NALCN: variants seen among roughly 807,000 people sequenced by gnomAD.
NALCN encodes the protein sodium leak channel, non-selective.
Under a neutral mutation model 225.3 loss-of-function variants are expected in NALCN, and 111 were observed. The observed-to-expected ratio is 0.49, with a 90% CI of 0.42 to 0.58. The LOEUF (loss-of-function observed/expected upper bound fraction) is 0.58. Ranked by LOEUF, NALCN falls within the 20% of genes least tolerant of loss-of-function variation. The pLI is 0.00. For synonymous variants in NALCN, 764 were observed against 769.0 expected, an observed-to-expected ratio of 0.99 and a Z score of 0.11; for missense variants, 1,378 against 2,202.4, an observed-to-expected ratio of 0.63 and a Z score of 7.49.
At chr13:101,065,710 G>A in intron 39 of NALCN, 149 bp from the exon 40 acceptor site, 2 of 934,506 alleles carry the variant, frequency 2.1e-6, no homozygotes, top group Non-Finnish European at 3.1e-6. Context: ...CTTGGAGCCT[G>A]GTAGAATTAA....
intron 27 of NALCN, among the ~76,000 whole-genome samples, chr13:101,099,649 A>C (rs1461938501): frequency 6.6e-6 from 1 of 152,222 alleles, no homozygotes; most frequent in Non-Finnish European, 1.5e-5. Context: ...AAATTGTCTA[A>C]TTATTAACCA....
intron 13 of NALCN, among the ~76,000 whole-genome samples, chr13:101,225,966 A>G (rs1443104537): frequency 6.6e-6 from 1 of 152,096 alleles, no homozygotes; most frequent in Non-Finnish European, 1.5e-5. Context: ...TACTCCCACA[A>G]TCAACCCAAG....
intron 7 of NALCN, among the ~76,000 whole-genome samples, chr13:101,299,806 C>A (rs920412520): frequency 6.6e-6 from 1 of 152,066 alleles, no homozygotes; most frequent in African/African-American, 2.4e-5. Flanking sequence ...CTCAGATATA[C>A]CATCTGTTAT....
intron 13 of NALCN, among the ~76,000 whole-genome samples, chr13:101,223,250 T>C (rs9518342): frequency 0.27 from 41,107 of 152,068 alleles, 6,581 homozygotes; most frequent in Non-Finnish European, 0.37. Flanking sequence ...CCATCAATGC[T>C]CTATTTGCCA....
intron 10 of NALCN, among the ~76,000 whole-genome samples, chr13:101,268,009 A>T (rs550757611): frequency 3.5e-4 from 53 of 152,288 alleles, no homozygotes; most frequent in African/African-American, 1.2e-3. Flanking sequence ...GTGATGCATC[A>T]CTTTGGATGT....
chr13:101,189,525 T>A (rs1482795470), intron 14 of NALCN, among the ~76,000 whole-genome samples: 1 of 152,236 alleles, frequency 6.6e-6, no homozygotes, highest in Non-Finnish European at 1.5e-5. Flanking sequence ...TGAATTATTA[T>A]CCTCACTTTC....
chr13:101,232,709 G>A (rs537147170), intron 12 of NALCN, among the ~76,000 whole-genome samples: 5 of 152,170 alleles, frequency 3.3e-5, no homozygotes, highest in African/African-American at 9.6e-5. Context: ...GCCTCCCAAA[G>A]TGCTGGGATT....
chr13:101,185,638 T>C (rs1343025348), intron 14 of NALCN, among the ~76,000 whole-genome samples: 2 of 152,244 alleles, frequency 1.3e-5, no homozygotes, highest in African/African-American at 2.4e-5. Context: ...GGACAATACA[T>C]GGAGGTTATG....
rs141973425 is a variant in NALCN at position 101,276,228 on chromosome 13, G to A, written c.1134+7705C>T. ...GGGGTTCTAGGACATTCGCTTACTC[G>A]TTTTAACGTGAGGATAAATTTATTA... On this transcript the variant is annotated intron_variant, in intron 10 of 43. Transcript: ENST00000251127. Among the ~76,000 whole-genome samples the A allele has an allele frequency of 5.9e-3, 898 of 152,142 alleles. 13 individuals carry two copies. Among genetic ancestry groups the A allele is most frequent in the African/African-American group, 0.02 (847 of 41,510 alleles).
intron 12 of NALCN, among the ~76,000 whole-genome samples, chr13:101,233,339 ATT>A (rs35072635): frequency 1.2e-4 from 17 of 139,832 alleles, no homozygotes; most frequent in Admixed American, 2.2e-4. Flanking sequence ...CTTGGGAAGA[ATT>A]TTTTTTTTTT....
intron 17 of NALCN, among the ~76,000 whole-genome samples, chr13:101,133,976 T>C (rs2036639465): frequency 6.6e-6 from 1 of 152,116 alleles, no homozygotes; most frequent in Non-Finnish European, 1.5e-5. Flanking sequence ...GAGACCATCC[T>C]GGCTAACATG....
At chr13:101,127,021 T>C (rs1406805889) in intron 17 of NALCN, among the ~76,000 whole-genome samples, 2 of 152,178 alleles carry the variant, frequency 1.3e-5, no homozygotes, top group African/African-American at 2.4e-5. Context: ...ACAACTCTTA[T>C]TTCATCTTGA....
intron 15 of NALCN, among the ~76,000 whole-genome samples, chr13:101,165,587 G>A (rs1252155414): frequency 6.6e-6 from 1 of 152,036 alleles, no homozygotes; most frequent in African/African-American, 2.4e-5. Context: ...CTTTCACCTT[G>A]GCCACCTACG....
chr13:101,278,662 A>T (rs1327927191), intron 10 of NALCN, among the ~76,000 whole-genome samples: 2 of 152,196 alleles, frequency 1.3e-5, no homozygotes, highest in Non-Finnish European at 2.9e-5. Flanking sequence ...GGTGAAACAT[A>T]ACAGAAGTCA....
At chr13:101,227,749 A>T (rs1594479579) in intron 13 of NALCN, among the ~76,000 whole-genome samples, 1 of 152,018 alleles carries the variant, frequency 6.6e-6, no homozygotes, top group Admixed American at 6.6e-5. Context: ...ACTAGAGTTG[A>T]TAGGAGTTTG....
intron 18 of NALCN, among the ~76,000 whole-genome samples, chr13:101,120,849 G>A (rs773837665): frequency 6.6e-6 from 1 of 152,136 alleles, no homozygotes; most frequent in Non-Finnish European, 1.5e-5. Context: ...CTTCAGAACA[G>A]TAACTATTAC....
At chr13:101,215,485 G>C (rs1032578067) in intron 13 of NALCN, among the ~76,000 whole-genome samples, 4 of 152,060 alleles carry the variant, frequency 2.6e-5, no homozygotes, top group African/African-American at 4.8e-5. Context: ...TGTGCTCTCA[G>C]CTCAGAGTCT....
At chr13:101,360,150 TTC>T (rs1255854506) in intron 6 of NALCN, among the ~76,000 whole-genome samples, 4 of 137,824 alleles carry the variant, frequency 2.9e-5, no homozygotes, top group African/African-American at 1.0e-4. Flanking sequence ...CTCTCTTTTT[TTC>T]TTTCTTTCTT....
intron 18 of NALCN, chr13:101,116,548 T>G: frequency 1.9e-6 from 1 of 516,276 alleles, no homozygotes; most frequent in South Asian, 1.4e-5. Context: ...CCATGTCTTC[T>G]TTCTTAATGT....
Sources: gnomAD v4.1 joint callset for allele counts (sites outside exome capture counted in the v4.1 genomes callset) on GRCh38, gnomAD v4.1.1 for gene constraint, MANE v1.5 for transcripts, NCBI Gene and HGNC (gene_info 2026-07-23, HGNC 2026-07-21) for gene names.